The following CHN2 variants were observed in gnomAD, a reference collection of about 807,000 sequenced individuals.
CHN2 encodes the protein beta-chimaerin.
A neutral mutation model predicts 56.3 loss-of-function variants in CHN2; 35 were observed. The ratio of observed to expected loss-of-function variants is 0.62; its 90% CI spans 0.47 to 0.82. The LOEUF (loss-of-function observed/expected upper bound fraction) is 0.82. Ranked by LOEUF, CHN2 falls within the 40% of genes least tolerant of loss-of-function variation. CHN2 has a pLI of 0.00. For missense variants in CHN2, 491 were observed against 580.5 expected (o/e 0.85, Z 1.58); for synonymous variants, 210 against 212.8 (o/e 0.99, Z 0.12).
At chr7:29,407,631 T>C (rs866101423) in intron 6 of CHN2, among the ~76,000 whole-genome samples, 1 of 152,198 alleles carries the variant, frequency 6.6e-6, no homozygotes, top group African/African-American at 2.4e-5. Flanking sequence ...GCTATTATAG[T>C]AGGTGACAGG....
intron 7 of CHN2, chr7:29,483,905 A>G: frequency 7.7e-7 from 1 of 1,301,018 alleles, no homozygotes; most frequent in Non-Finnish European, 1.0e-6. Context: ...CAGTTCCCTC[A>G]TCTATAAAAT....
chr7:29,299,842 G>C (rs1042365298), intron 1 of CHN2, among the ~76,000 whole-genome samples: 1 of 152,200 alleles, frequency 6.6e-6, no homozygotes, highest in East Asian at 1.9e-4. Context: ...CTGTCCATGA[G>C]AGTGCAGATA....
intron 1 of CHN2, among the ~76,000 whole-genome samples, chr7:29,351,528 C>T (rs1797886096): frequency 2.0e-5 from 3 of 152,068 alleles, no homozygotes; most frequent in Admixed American, 6.5e-5. Context: ...GAGTGACTGG[C>T]ATAGGGGGAA....
chr7:29,456,720 C>G (rs961399038), intron 6 of CHN2, among the ~76,000 whole-genome samples: 14 of 150,956 alleles, frequency 9.3e-5, no homozygotes, highest in African/African-American at 3.4e-4. Flanking sequence ...AGGTGATATT[C>G]TGATTCAGGT....
At chr7:29,190,904 G>T (rs1478402703), upstream of CHN2, among the ~76,000 whole-genome samples, 1 of 151,442 alleles carries the variant, frequency 6.6e-6, no homozygotes, top group Non-Finnish European at 1.5e-5. Flanking sequence ...CAATACAGGG[G>T]CTGGGCAAAC....
chr7:29,202,023 TA>T (rs576545430), intron 1 of CHN2, among the ~76,000 whole-genome samples: 1 of 152,346 alleles, frequency 6.6e-6, no homozygotes, highest in African/African-American at 2.4e-5. Context: ...AAGCTTTATT[TA>T]AAAAGTGGTT....
At chr7:29,398,545 C>G (rs1801947346) in intron 5 of CHN2, 59 bp downstream of exon 5, 6 of 1,077,534 alleles carry the variant, frequency 5.6e-6, no homozygotes, top group Non-Finnish European at 8.5e-6. Flanking sequence ...CTGATGTTTG[C>G]CCATTTTTAA....
At chr7:29,268,108 G>C (rs1790289146) in intron 1 of CHN2, among the ~76,000 whole-genome samples, 1 of 151,876 alleles carries the variant, frequency 6.6e-6, no homozygotes, top group Non-Finnish European at 1.5e-5. Context: ...TATTTTATTT[G>C]TTTAGTGAAA....
At chr7:29,221,660 G>A (rs2128792568) in intron 1 of CHN2, among the ~76,000 whole-genome samples, 1 of 152,272 alleles carries the variant, frequency 6.6e-6, no homozygotes, top group East Asian at 1.9e-4. Flanking sequence ...CCCCACATAT[G>A]GCAATGTGTT....
intron 3 of CHN2, among the ~76,000 whole-genome samples, chr7:29,374,133 C>A (rs1301011192): frequency 6.6e-6 from 1 of 152,136 alleles, no homozygotes; most frequent in Non-Finnish European, 1.5e-5. Flanking sequence ...CCTAGACTTT[C>A]TCTGCTTGTC....
chr7:29,394,632 G>T (rs1801601749), intron 4 of CHN2, among the ~76,000 whole-genome samples: 1 of 152,216 alleles, frequency 6.6e-6, no homozygotes, highest in Admixed American at 6.5e-5. Context: ...ATGCCTGCCT[G>T]GGGGCACTGG....
chr7:29,446,286 AAAAC>A (rs1368146635), intron 6 of CHN2, among the ~76,000 whole-genome samples: 2 of 152,204 alleles, frequency 1.3e-5, no homozygotes, highest in Non-Finnish European at 2.9e-5. Flanking sequence ...TGAAATTTAA[AAAAC>A]AAACAAAAGA....
At chr7:29,492,634 C>T (rs894949697) in intron 7 of CHN2, among the ~76,000 whole-genome samples, 2 of 152,162 alleles carry the variant, frequency 1.3e-5, no homozygotes, top group Non-Finnish European at 2.9e-5. Context: ...CCTTCCTTGA[C>T]TCCACATCTC....
At chr7:29,230,502 G>A (rs1786590648) in intron 1 of CHN2, among the ~76,000 whole-genome samples, 1 of 152,022 alleles carries the variant, frequency 6.6e-6, no homozygotes, top group Non-Finnish European at 1.5e-5. Flanking sequence ...CACCACGCCT[G>A]GCTAAATTTT....
chr7:29,442,951 T>TTTTTTTTTTTTTTTA (rs61688754), intron 6 of CHN2, among the ~76,000 whole-genome samples: 2 of 138,744 alleles, frequency 1.4e-5, no homozygotes, highest in East Asian at 2.1e-4. Context: ...TTTTTTTTTT[T>TTTTTTTTTTTTTTTA]GAGACGGAGT....
chr7:29,458,686 C>T (rs1178455802), intron 6 of CHN2, among the ~76,000 whole-genome samples: 1 of 152,144 alleles, frequency 6.6e-6, no homozygotes, highest in Non-Finnish European at 1.5e-5. Context: ...AGTCAAGACA[C>T]CAAGTGTGTA....
intron 1 of CHN2, among the ~76,000 whole-genome samples, chr7:29,322,302 G>A (rs1399925717): frequency 6.6e-6 from 1 of 152,156 alleles, no homozygotes; most frequent in East Asian, 1.9e-4. Context: ...CTTTGTAGCA[G>A]GGGCAGTGTC....
intron 1 of CHN2, among the ~76,000 whole-genome samples, chr7:29,302,267 C>CTCTTCTTCCTCCTCT (rs1170164452): frequency 1.2e-5 from 1 of 81,296 alleles, no homozygotes; most frequent in Non-Finnish European, 2.5e-5. Context: ...CTGCTTCTCC[C>CTCTTCTTCCTCCTCT]TCTTCTTCCT....
chr7:29,248,588 C>T (rs1276911216), intron 1 of CHN2, among the ~76,000 whole-genome samples: 1 of 152,216 alleles, frequency 6.6e-6, no homozygotes, highest in Admixed American at 6.5e-5. Context: ...TGTCATCGCA[C>T]TATCCGCAGA....
Sources: gnomAD v4.1 joint callset for allele counts (sites outside exome capture counted in the v4.1 genomes callset) on GRCh38, gnomAD v4.1.1 for gene constraint, MANE v1.5 for transcripts, NCBI Gene and HGNC (gene_info 2026-07-23, HGNC 2026-07-21) for gene names.